The following PRKN variants were observed in gnomAD, a reference collection of about 807,000 sequenced individuals.
PRKN encodes the protein E3 ubiquitin-protein ligase parkin.
In PRKN, 56 loss-of-function variants were observed where a neutral mutation model predicts 59.5. The ratio of observed to expected loss-of-function variants is 0.94; its 90% CI spans 0.76 to 1.18. PRKN has a LOEUF of 1.18. Among genes scored for constraint, PRKN ranks in the 50% most tolerant of loss-of-function variants. The pLI is 0.00. For missense variants in PRKN, 657 were observed against 596.4 expected (o/e 1.10, Z -1.06); for synonymous variants, 250 against 222.1 (o/e 1.13, Z -1.12).
intron 1 of PRKN, among the ~76,000 whole-genome samples, chr6:162,460,743 C>G (rs796680027): frequency 1.3e-5 from 2 of 152,254 alleles, no homozygotes; most frequent in African/African-American, 2.4e-5. Context: ...AAGAAACTTA[C>G]AAAATTTGTA....
At chr6:162,456,729 C>T (rs1451576761) in intron 1 of PRKN, among the ~76,000 whole-genome samples, 1 of 152,190 alleles carries the variant, frequency 6.6e-6, no homozygotes, top group South Asian at 2.1e-4. Context: ...CCAGTCAATA[C>T]ATAACCTTGT....
chr6:161,350,085 C>G lies in PRKN; in HGVS notation c.*14G>C. The G allele has an allele frequency of 6.4e-7, 1 of 1,571,902 alleles. No individual in the cohort carries two copies. The highest frequency in any genetic ancestry group is 8.8e-7 in the Non-Finnish European group (1 of 1,142,838). On this transcript the variant is annotated 3_prime_UTR_variant, in exon 12 of 12. Coordinates refer to ENST00000366898, the MANE Select transcript of PRKN (RefSeq NM_004562.3). ...TCCCCCAGGATGTGGCGATGGGGCG[C>G]CCGGCCGCCCTGGCTACACGTCGAA...
chr6:161,741,663 G>C (rs1255853494), intron 7 of PRKN, among the ~76,000 whole-genome samples: 1 of 152,062 alleles, frequency 6.6e-6, no homozygotes, highest in African/African-American at 2.4e-5. Context: ...GTTCAAACTG[G>C]TCTGGGGTGA....
Position 162,127,677 on chromosome 6 carries a change from T to C in PRKN, c.534+73454A>G, listed in dbSNP as rs182632185. 4.6e-4 allele frequency among the ~76,000 whole-genome samples: 70 copies of C among 152,278 alleles called. 1 individual carries two copies. Among genetic ancestry groups the C allele is most frequent in the Non-Finnish European group, 5.9e-5 (4 of 68,030 alleles). On this transcript the variant is annotated intron_variant, in intron 4 of 11. Transcript: ENST00000366898. The stretch of plus-strand genomic sequence containing the variant: ...CTGCCTTCAAAACTTTTCCTAGAAA[T>C]TATAAAAACTGCCCATTACTTTGAA...
chr6:161,960,480 CAG>C (rs1780341041), intron 6 of PRKN, among the ~76,000 whole-genome samples: 1 of 152,154 alleles, frequency 6.6e-6, no homozygotes, highest in Non-Finnish European at 1.5e-5. Context: ...TTTAAGAATT[CAG>C]GGGATGATTT....
intron 7 of PRKN, among the ~76,000 whole-genome samples, chr6:161,698,950 A>G (rs1786135009): frequency 6.6e-6 from 1 of 152,182 alleles, no homozygotes; most frequent in Admixed American, 6.5e-5. Context: ...TAAAAGACTG[A>G]AACAGCAACC....
chr6:161,710,095 C>T (rs1786674938), intron 7 of PRKN, among the ~76,000 whole-genome samples: 1 of 144,926 alleles, frequency 6.9e-6, no homozygotes, highest in African/African-American at 2.6e-5. Flanking sequence ...CCAAAAATGA[C>T]AAGCATTGGA....
chr6:162,523,268 G>A (rs969322070), intron 1 of PRKN, among the ~76,000 whole-genome samples: 10 of 152,210 alleles, frequency 6.6e-5, no homozygotes, highest in African/African-American at 2.4e-4. Context: ...AGGACAAGGA[G>A]ATGAGTTCAT....
At chr6:161,522,267 C>T (rs750842696) in intron 9 of PRKN, among the ~76,000 whole-genome samples, 5 of 152,210 alleles carry the variant, frequency 3.3e-5, no homozygotes, top group African/African-American at 4.8e-5. Flanking sequence ...CACAAGAGAC[C>T]GATGACAGGC....
At chr6:162,253,899 T>C (rs568048669) in intron 3 of PRKN, among the ~76,000 whole-genome samples, 2 of 151,990 alleles carry the variant, frequency 1.3e-5, no homozygotes, top group Non-Finnish European at 2.9e-5. Flanking sequence ...CAGGCCAGAG[T>C]ATCACTCACC....
intron 9 of PRKN, among the ~76,000 whole-genome samples, chr6:161,472,179 A>G (rs1389231330): frequency 6.6e-6 from 1 of 152,210 alleles, no homozygotes; most frequent in Non-Finnish European, 1.5e-5. Flanking sequence ...GTACCCCAGG[A>G]CAACAGAGGG....
chr6:161,764,986 AAC>A (rs1789362832), intron 7 of PRKN, among the ~76,000 whole-genome samples: 1 of 152,246 alleles, frequency 6.6e-6, no homozygotes, highest in Non-Finnish European at 1.5e-5. Context: ...TTCCTTTGCA[AAC>A]ACACAATTCA....
At chr6:161,668,915 G>C (rs1784815385) in intron 7 of PRKN, among the ~76,000 whole-genome samples, 1 of 152,070 alleles carries the variant, frequency 6.6e-6, no homozygotes, top group African/African-American at 2.4e-5. Flanking sequence ...CTGTGACTAA[G>C]GCACTCCTCT....
At chr6:162,048,764 T>C (rs10806753) in intron 5 of PRKN, among the ~76,000 whole-genome samples, 114,871 of 151,014 alleles carry the variant, frequency 0.76, 43,897 homozygotes, top group East Asian at 0.87. Context: ...TACAAATTTG[T>C]GTTGGGCCAC....
At chr6:162,087,179 T>C (rs1223161349) in intron 4 of PRKN, among the ~76,000 whole-genome samples, 6 of 152,212 alleles carry the variant, frequency 3.9e-5, no homozygotes, top group Admixed American at 6.5e-5. Context: ...TTTGTTTTAA[T>C]GTAAGCACCA....
intron 2 of PRKN, among the ~76,000 whole-genome samples, chr6:162,306,755 T>A (rs1782246386): frequency 6.6e-6 from 1 of 152,096 alleles, no homozygotes; most frequent in Non-Finnish European, 1.5e-5. Context: ...GTAACAAAAC[T>A]GAAATGACAT....
chr6:161,906,743 C>A (rs929604847), intron 6 of PRKN, among the ~76,000 whole-genome samples: 1 of 149,504 alleles, frequency 6.7e-6, no homozygotes, highest in Non-Finnish European at 1.5e-5. Context: ...GAAGCCAGTC[C>A]TAGTCACAAA....
intron 1 of PRKN, among the ~76,000 whole-genome samples, chr6:162,481,824 C>T (rs910944806): frequency 8.5e-5 from 13 of 152,130 alleles, no homozygotes; most frequent in Admixed American, 2.6e-4. Flanking sequence ...GAAATACATG[C>T]GTGTGTTTGT....
At chr6:161,609,397 T>C (rs1583287324) in intron 7 of PRKN, among the ~76,000 whole-genome samples, 1 of 152,134 alleles carries the variant, frequency 6.6e-6, no homozygotes, top group Non-Finnish European at 1.5e-5. Flanking sequence ...TTCTTGATGA[T>C]GAAGAAAATG....
Sources: gnomAD v4.1 joint callset for allele counts (sites outside exome capture counted in the v4.1 genomes callset) on GRCh38, gnomAD v4.1.1 for gene constraint, MANE v1.5 for transcripts, NCBI Gene and HGNC (gene_info 2026-07-23, HGNC 2026-07-21) for gene names.